The following SAMMSON variants were observed in gnomAD, a reference collection of about 807,000 sequenced individuals.
SAMMSON encodes the protein survival associated mitochondrial melanoma specific oncogenic non-coding RNA.
At chr3:70,028,883 A>G (rs1229100509) in intron 3 of SAMMSON, among the ~76,000 whole-genome samples, 1 of 152,196 alleles carries the variant, frequency 6.6e-6, no homozygotes, top group Non-Finnish European at 1.5e-5. Context: ...ATTGCCAGCT[A>G]CTGGTCTGAG....
chr3:70,166,437 T>A (rs2067637576), intron 4 of SAMMSON, among the ~76,000 whole-genome samples: 1 of 151,934 alleles, frequency 6.6e-6, no homozygotes, highest in Admixed American at 6.6e-5. Flanking sequence ...TAAATGTAGA[T>A]CTCTAGAAGA....
At chr3:70,324,600 T>C (rs1702565609) in intron 7 of SAMMSON, among the ~76,000 whole-genome samples, 1 of 152,196 alleles carries the variant, frequency 6.6e-6, no homozygotes, top group African/African-American at 2.4e-5. Flanking sequence ...TTCTAGGTGC[T>C]GTCGAAGTAC....
At chr3:70,039,335 A>C (rs1175308362) in intron 3 of SAMMSON, among the ~76,000 whole-genome samples, 1 of 152,040 alleles carries the variant, frequency 6.6e-6, no homozygotes, top group African/African-American at 2.4e-5. Context: ...GGTGAAGCTG[A>C]AATTTAAATT....
At chr3:70,224,746 G>T (rs1373194838) in intron 4 of SAMMSON, among the ~76,000 whole-genome samples, 2 of 151,812 alleles carry the variant, frequency 1.3e-5, no homozygotes, top group South Asian at 2.1e-4. Flanking sequence ...TAACCATTGC[G>T]CTCGGCAAAA....
At chr3:70,290,293 C>G (rs1308159773) in intron 6 of SAMMSON, among the ~76,000 whole-genome samples, 1 of 152,242 alleles carries the variant, frequency 6.6e-6, no homozygotes, top group East Asian at 1.9e-4. Context: ...GGACTCTGAG[C>G]TGCAGGTCTG....
chr3:70,277,499 A>T (rs1338883798), intron 6 of SAMMSON, among the ~76,000 whole-genome samples: 2 of 152,210 alleles, frequency 1.3e-5, no homozygotes, highest in Non-Finnish European at 2.9e-5. Context: ...AGAATAAGCC[A>T]TAAAAGCTGA....
chr3:70,104,773 T>C (rs1051815054), intron 4 of SAMMSON, among the ~76,000 whole-genome samples: 3 of 152,254 alleles, frequency 2.0e-5, no homozygotes, highest in Middle Eastern at 3.4e-3. Flanking sequence ...TGTATCTCTA[T>C]GTGTGGGTAT....
At chr3:70,366,491 TG>T (rs1702920739) in intron 9 of SAMMSON, among the ~76,000 whole-genome samples, 2 of 107,732 alleles carry the variant, frequency 1.9e-5, no homozygotes, top group African/African-American at 7.3e-5. Flanking sequence ...TGTGTTTTTA[TG>T]TTTTTTTTTT....
chr3:70,139,987 A>G (rs2067521618), intron 4 of SAMMSON, among the ~76,000 whole-genome samples: 1 of 152,116 alleles, frequency 6.6e-6, no homozygotes, highest in African/African-American at 2.4e-5. Context: ...TCTAACATGA[A>G]TAGGCTGTGA....
At chr3:70,405,336 G>A (rs769140678) in intron 2 of SAMMSON, among the ~76,000 whole-genome samples, 3 of 152,044 alleles carry the variant, frequency 2.0e-5, no homozygotes, top group African/African-American at 4.8e-5. Flanking sequence ...AAAAATCCTG[G>A]CATTTAACAA....
intron 9 of SAMMSON, among the ~76,000 whole-genome samples, chr3:70,385,282 C>T (rs984353797): frequency 3.3e-5 from 5 of 151,990 alleles, no homozygotes; most frequent in Admixed American, 6.6e-5. Context: ...AACAGTAGGT[C>T]CACCATGTAA....
intron 4 of SAMMSON, among the ~76,000 whole-genome samples, chr3:70,167,599 C>A (rs557811410): frequency 6.6e-6 from 1 of 151,980 alleles, no homozygotes; most frequent in African/African-American, 2.4e-5. Context: ...TTTCAGCTAC[C>A]TCCTAAGAAG....
intron 3 of SAMMSON, among the ~76,000 whole-genome samples, chr3:70,060,704 A>C (rs912924724): frequency 1.3e-5 from 2 of 152,148 alleles, no homozygotes; most frequent in African/African-American, 4.8e-5. Flanking sequence ...TACAATGCAC[A>C]GGACAGTCCC....
intron 4 of SAMMSON, among the ~76,000 whole-genome samples, chr3:70,222,655 G>C (rs1701471519): frequency 6.6e-6 from 1 of 152,142 alleles, no homozygotes; most frequent in Non-Finnish European, 1.5e-5. Flanking sequence ...AGGTTACTCA[G>C]ACATCCTTAC....
At chr3:70,286,600 T>G (rs572236622) in intron 6 of SAMMSON, among the ~76,000 whole-genome samples, 9 of 151,934 alleles carry the variant, frequency 5.9e-5, no homozygotes, top group African/African-American at 4.8e-5. Context: ...GTGAAGAAAG[T>G]CATTGGTAGC....
chr3:70,244,752 T>C (rs1336378858), intron 4 of SAMMSON, among the ~76,000 whole-genome samples: 1 of 152,240 alleles, frequency 6.6e-6, no homozygotes, highest in Non-Finnish European at 1.5e-5. Flanking sequence ...ATGGTACTTA[T>C]ATTTTGTGCA....
intron 7 of SAMMSON, among the ~76,000 whole-genome samples, chr3:70,294,443 AC>A (rs1481674377): frequency 6.6e-6 from 1 of 152,114 alleles, no homozygotes; most frequent in Non-Finnish European, 1.5e-5. Flanking sequence ...GGAATAAGAA[AC>A]CATATATTCC....
chr3:70,410,703 T>G (rs566567343), intron 2 of SAMMSON, among the ~76,000 whole-genome samples: 4 of 152,194 alleles, frequency 2.6e-5, no homozygotes, highest in Non-Finnish European at 5.9e-5. Flanking sequence ...GATTAGGCTA[T>G]AGCTTAAAAC....
chr3:70,412,033 C>A (rs1266986721), intron 2 of SAMMSON, among the ~76,000 whole-genome samples: 3 of 152,170 alleles, frequency 2.0e-5, no homozygotes, highest in Non-Finnish European at 4.4e-5. Flanking sequence ...CTGGTTTAGA[C>A]TAATTTTTAA....
Sources: gnomAD v4.1 joint callset for allele counts (sites outside exome capture counted in the v4.1 genomes callset) on GRCh38, gnomAD v4.1.1 for gene constraint, MANE v1.5 for transcripts, NCBI Gene and HGNC (gene_info 2026-07-23, HGNC 2026-07-21) for gene names.